LNX1: variants seen among roughly 807,000 people sequenced by gnomAD.
The protein encoded by LNX1 is E3 ubiquitin-protein ligase LNX.
LNX1 carries 54 observed loss-of-function variants against 68.4 expected under a neutral mutation model. The ratio of observed to expected loss-of-function variants is 0.79; its 90% CI spans 0.63 to 0.99. The LOEUF is 0.99. Ranked by LOEUF, LNX1 falls within the 50% of genes least tolerant of loss-of-function variation. The pLI is 0.00. For missense variants in LNX1, 906 were observed against 926.4 expected (o/e 0.98, Z 0.29); for synonymous variants, 336 against 350.0 (o/e 0.96, Z 0.45).
intron 4 of LNX1, among the ~76,000 whole-genome samples, chr4:53,507,005 T>C (rs908106380): frequency 3.9e-5 from 6 of 152,124 alleles, no homozygotes; most frequent in Non-Finnish European, 8.8e-5. Flanking sequence ...ATTGCATTTA[T>C]TATATGTGCC....
chr4:53,612,802 C>T (rs1733546262), intron 2 of LNX1, among the ~76,000 whole-genome samples: 1 of 151,510 alleles, frequency 6.6e-6, no homozygotes, highest in Non-Finnish European at 1.5e-5. Flanking sequence ...GGAGGATTGC[C>T]TGAGTCCAGG....
At chr4:53,562,527 T>C (rs560610068) in intron 2 of LNX1, among the ~76,000 whole-genome samples, 32 of 152,350 alleles carry the variant, frequency 2.1e-4, no homozygotes, top group Admixed American at 2.1e-3. Context: ...AATGTTTTGC[T>C]CAAGTATTTA....
Position 53,459,572 on chromosome 4 carries a change from T to TAAC in LNX1, c.*1332_*1334dup. ...TGTTCTGTTTGTTAGTATGAAAAGT[T>TAAC]AACTTTTTTTCCAAAATAAAAGAGT... On this transcript the variant is annotated 3_prime_UTR_variant, in exon 11 of 11. Coordinates refer to ENST00000263925, the MANE Select transcript of LNX1 (RefSeq NM_001126328.3). The TAAC allele has an allele frequency of 2.9e-6, 4 of 1,397,838 alleles. No homozygotes were observed. Among genetic ancestry groups the TAAC allele is most frequent in the Non-Finnish European group, 4.0e-6 (4 of 1,010,882 alleles). The allele number at this position is 1,397,838 out of a possible 1,614,324, so 86.6% of individuals were successfully genotyped here.
At chr4:53,564,390 C>T (rs1356370107) in intron 2 of LNX1, among the ~76,000 whole-genome samples, 1 of 152,182 alleles carries the variant, frequency 6.6e-6, no homozygotes, top group African/African-American at 2.4e-5. Context: ...CATCTTCTCC[C>T]TATTTTTAGA....
chr4:53,591,200 G>A (rs1415359368), intron 1 of LNX1, among the ~76,000 whole-genome samples, 188 bp downstream of exon 1: 1 of 152,158 alleles, frequency 6.6e-6, no homozygotes, highest in East Asian at 1.9e-4. Context: ...CCTGGGAGAA[G>A]TTTATTGTGC....
intron 2 of LNX1, among the ~76,000 whole-genome samples, chr4:53,554,851 CAA>C (rs3067036): frequency 6.6e-5 from 8 of 121,264 alleles, no homozygotes; most frequent in Admixed American, 8.8e-5. Context: ...GACTCTGTCT[CAA>C]AAAAAAAAAA....
intron 1 of LNX1, among the ~76,000 whole-genome samples, chr4:53,627,434 A>C (rs1260065659): frequency 1.3e-5 from 2 of 152,130 alleles, no homozygotes; most frequent in Non-Finnish European, 2.9e-5. Context: ...ATTCCCTTCC[A>C]AATAACTTGG....
intron 2 of LNX1, among the ~76,000 whole-genome samples, chr4:53,563,484 A>T (rs1390923632): frequency 2.0e-5 from 3 of 151,988 alleles, no homozygotes; most frequent in Admixed American, 2.0e-4. Context: ...GGCCCATCAC[A>T]GACCCAAAGG....
At chr4:53,647,298 A>T (rs1734921578) in intron 1 of LNX1, among the ~76,000 whole-genome samples, 1 of 152,258 alleles carries the variant, frequency 6.6e-6, no homozygotes, top group African/African-American at 2.4e-5. Context: ...ACACACAATG[A>T]ATAATTAAGC....
intron 2 of LNX1, among the ~76,000 whole-genome samples, chr4:53,561,796 A>G (rs1202932606): frequency 6.6e-6 from 1 of 152,182 alleles, no homozygotes; most frequent in Non-Finnish European, 1.5e-5. Context: ...TATTCATACT[A>G]GTAAATACTT....
chr4:53,469,421 A>G (rs1229635418), intron 9 of LNX1, among the ~76,000 whole-genome samples: 1 of 152,232 alleles, frequency 6.6e-6, no homozygotes, highest in Non-Finnish European at 1.5e-5. Flanking sequence ...TAACATCACA[A>G]TTAAAAGAAC....
rs531914996 is a variant in LNX1 at position 53,469,083 on chromosome 4, G to C, written c.1893-7490C>G. 1.6e-4 allele frequency among the ~76,000 whole-genome samples: 25 copies of C among 152,184 alleles called. 1 individual carries two copies. The South Asian group carries it at 4.2e-3, about 25-fold the overall frequency. On this transcript the variant is annotated intron_variant, in intron 9 of 10. Coordinates refer to ENST00000263925, the MANE Select transcript of LNX1 (RefSeq NM_001126328.3). ...CACCTATTCCATAACTGACCACATA[G>C]TTGGAAGTAAAGCACTCCTCAGCAA...
chr4:53,544,088 C>T (rs1381979241), intron 2 of LNX1, among the ~76,000 whole-genome samples: 1 of 152,332 alleles, frequency 6.6e-6, no homozygotes, highest in African/African-American at 2.4e-5. Context: ...AGACACCACA[C>T]CTGCCTAGCT....
chr4:53,531,514 G>A (rs1373294556), intron 2 of LNX1, among the ~76,000 whole-genome samples: 1 of 152,210 alleles, frequency 6.6e-6, no homozygotes, highest in Non-Finnish European at 1.5e-5. Context: ...GAAATAGACA[G>A]TAGTTGGGAC....
intron 1 of LNX1, among the ~76,000 whole-genome samples, chr4:53,617,070 G>C (rs1269953020): frequency 6.6e-6 from 1 of 152,092 alleles, no homozygotes; most frequent in Non-Finnish European, 1.5e-5. Context: ...ACTATAGAAA[G>C]TTATAAAACA....
In LNX1 at chr4:53,498,781, C is replaced by T. The variant is rs761474282; in HGVS notation, c.838G>A (p.Val280Ile). Residue 280 changes from valine (V) to isoleucine (I), a missense_variant, in exon 5 of 11, where the codon GTA becomes ATA. By Grantham distance (29) the Val-to-Ile change is conservative. Transcript: ENST00000263925. ...GEITSIKINR[V>I]DPSESLSIRL... Reference sequence around the variant, plus strand: ...ATAGAGAGGCTTTCACTGGGATCTACTCGATTGATCTTGATGCTGGTAATT... The same window carrying T: ...ATAGAGAGGCTTTCACTGGGATCTATTCGATTGATCTTGATGCTGGTAATT... 2 of 1,613,986 alleles carry T rather than the reference C, an allele frequency of 1.2e-6. No homozygotes were observed. Among genetic ancestry groups the T allele is most frequent in the East Asian group, 2.2e-5 (1 of 44,902 alleles).
At chr4:53,471,886 G>T (rs915906455) in intron 9 of LNX1, among the ~76,000 whole-genome samples, 14 of 152,314 alleles carry the variant, frequency 9.2e-5, no homozygotes, top group Middle Eastern at 3.4e-3. Flanking sequence ...TACACTGTTG[G>T]TGGGACTGTA....
At chr4:53,570,180 C>G (rs1455629226) in intron 2 of LNX1, among the ~76,000 whole-genome samples, 1 of 139,312 alleles carries the variant, frequency 7.2e-6, no homozygotes, top group East Asian at 2.2e-4. Flanking sequence ...ACCCAAAGGA[C>G]TATAAATCAT....
rs117645204 is a variant in LNX1 at position 53,516,636 on chromosome 4, G to A, written c.381-8409C>T. Among the ~76,000 whole-genome samples the A allele has an allele frequency of 6.8e-4, 104 of 152,314 alleles. No homozygotes were observed. In the East Asian group the frequency reaches 0.012, roughly 17 times the overall value. Reference sequence around the variant, plus strand: ...GATGCAGGTGCATGGCAGGTGCCAGGAATGGTAGATTCTGGGCAGGTTTTG... The same window carrying A: ...GATGCAGGTGCATGGCAGGTGCCAGAAATGGTAGATTCTGGGCAGGTTTTG... On this transcript the variant is annotated intron_variant, in intron 2 of 10. Transcript: ENST00000263925.
Sources: allele counts gnomAD v4.1 joint callset (sites outside exome capture counted in the v4.1 genomes callset), GRCh38; gene constraint gnomAD v4.1.1; transcripts MANE v1.5; gene names NCBI Gene and HGNC (gene_info 2026-07-23, HGNC 2026-07-21).